Variants in ATRN observed in about 807,000 individuals in gnomAD.
The protein encoded by ATRN is attractin.
Under a neutral mutation model 178.7 loss-of-function variants are expected in ATRN, and 54 were observed. The observed-to-expected ratio is 0.30, with a 90% CI of 0.24 to 0.38. The LOEUF (loss-of-function observed/expected upper bound fraction) is 0.38, where lower values mean the gene tolerates loss of function less well. ATRN is among the 10% of genes least tolerant of loss of function. The pLI is 1.00. For missense variants in ATRN, 1,443 were observed against 1,815.1 expected, an observed-to-expected ratio of 0.79 and a Z score of 3.73; for synonymous variants, 636 against 663.0, an observed-to-expected ratio of 0.96 and a Z score of 0.63.
At chr20:3,639,086 G>A (rs143059462) in intron 27 of ATRN, 151 bp downstream of exon 27, 1 of 577,608 alleles carries the variant, frequency 1.7e-6, no homozygotes, top group Non-Finnish European at 3.0e-6. Flanking sequence ...TGAAGTTGCT[G>A]GGTACTCTTT....
chr20:3,642,012 A>G (rs979317014), intron 27 of ATRN, among the ~76,000 whole-genome samples: 2 of 152,252 alleles, frequency 1.3e-5, no homozygotes. Context: ...ACAACATGAT[A>G]TATGTCAGCA....
In ATRN at chr20:3,550,027, CTATAATA is replaced by C. The variant is rs373696690; in HGVS notation, c.1112+690_1112+696del. Among the ~76,000 whole-genome samples, 300 of 152,270 alleles carry C rather than the reference CTATAATA, an allele frequency of 2.0e-3. 1 individual carries two copies. Among genetic ancestry groups the C allele is most frequent in the African/African-American group, 7.0e-3 (290 of 41,556 alleles). On this transcript the variant is annotated intron_variant, in intron 6 of 28. Transcript: ENST00000262919. ...AAAATCAGAGAAACATGAGCAACAT[CTATAATA>C]AAACTTGGTCAGGCTAGGCGCAGTG...
chr20:3,518,444 G>A (rs1392749686), intron 1 of ATRN, among the ~76,000 whole-genome samples: 2 of 152,182 alleles, frequency 1.3e-5, no homozygotes, highest in African/African-American at 2.4e-5. Flanking sequence ...TATATAAAAT[G>A]TCTGGAATAA....
intron 1 of ATRN, among the ~76,000 whole-genome samples, chr20:3,479,827 C>G (rs965402262): frequency 6.6e-6 from 1 of 152,156 alleles, no homozygotes; most frequent in Non-Finnish European, 1.5e-5. Context: ...CCTCTGCCTC[C>G]GTCCCTTCAA....
At chr20:3,559,932 A>T (rs2085927885) in intron 7 of ATRN, among the ~76,000 whole-genome samples, 1 of 152,152 alleles carries the variant, frequency 6.6e-6, no homozygotes, top group African/African-American at 2.4e-5. Flanking sequence ...AGTATTAGAG[A>T]TGTAAAATAT....
chr20:3,490,094 G>T, intron 1 of ATRN: 1 of 1,369,672 alleles, frequency 7.3e-7, no homozygotes, highest in Non-Finnish European at 1.0e-6. Context: ...CTCGCTTGGT[G>T]CCCTTTGATT....
intron 19 of ATRN, among the ~76,000 whole-genome samples, chr20:3,594,130 C>T (rs2086490150): frequency 6.6e-6 from 1 of 152,158 alleles, no homozygotes; most frequent in South Asian, 2.1e-4. Flanking sequence ...GTCCCCACAC[C>T]CAGCACCTGG....
chr20:3,519,618 C>T (rs757040467), intron 1 of ATRN, among the ~76,000 whole-genome samples: 6 of 152,082 alleles, frequency 3.9e-5, no homozygotes, highest in East Asian at 1.9e-4. Context: ...GAAAAGACTA[C>T]GTATTGTGTA....
At chr20:3,482,613 T>G (rs754381816) in intron 1 of ATRN, among the ~76,000 whole-genome samples, 39 of 152,188 alleles carry the variant, frequency 2.6e-4, no homozygotes, top group Non-Finnish European at 5.1e-4. Context: ...ATCAAGGATT[T>G]TGATCAGAAG....
chr20:3,508,654 G>C (rs2085080790), intron 1 of ATRN, among the ~76,000 whole-genome samples: 1 of 152,220 alleles, frequency 6.6e-6, no homozygotes, highest in Non-Finnish European at 1.5e-5. Context: ...TCCGTAAGCA[G>C]AGGAGAATGA....
chr20:3,590,525 A>G (rs2086426404), intron 18 of ATRN, among the ~76,000 whole-genome samples: 2 of 152,190 alleles, frequency 1.3e-5, no homozygotes, highest in Non-Finnish European at 2.9e-5. Context: ...GTAAAGCCCT[A>G]TATCCATTAG....
intron 13 of ATRN, among the ~76,000 whole-genome samples, chr20:3,576,152 G>C (rs975284737): frequency 2.6e-5 from 4 of 152,178 alleles, no homozygotes; most frequent in African/African-American, 9.7e-5. Flanking sequence ...TTTGTGTATT[G>C]TGTTTTAGAA....
rs573098488 is a variant in ATRN, at chr20:3,490,424, T to A, written c.410+18907T>A. On this transcript the variant is annotated intron_variant, in intron 1 of 28. Coordinates refer to ENST00000262919, the MANE Select transcript of ATRN (RefSeq NM_139321.3). ...TTCTGATCTTGGAGAGGCTTTACTC[T>A]ATCTGTGTAATCCTGAAGTTACTCA... 5 of 922,066 alleles carry A rather than the reference T, an allele frequency of 5.4e-6. No homozygotes were observed. In the East Asian group the frequency reaches 9.6e-5, roughly 18 times the overall value. The allele number at this position is 922,066 out of a possible 1,614,324, so 57.1% of individuals were successfully genotyped here. A position where few individuals can be genotyped will look rare whatever the true frequency, so the allele number is the denominator to read the frequency against.
At chr20:3,549,419 T>A in intron 6 of ATRN, 81 bp downstream of exon 6, 2 of 1,240,036 alleles carry the variant, frequency 1.6e-6, no homozygotes, top group Non-Finnish European at 2.2e-6. Context: ...CAAAAATAAA[T>A]CACCAGTCAT....
At chr20:3,531,987 A>G (rs1246210750) in intron 1 of ATRN, among the ~76,000 whole-genome samples, 3 of 152,178 alleles carry the variant, frequency 2.0e-5, no homozygotes, top group Non-Finnish European at 4.4e-5. Flanking sequence ...TAAATTAGCT[A>G]GGCATAGTGG....
intron 24 of ATRN, among the ~76,000 whole-genome samples, chr20:3,624,215 C>T (rs1289760537): frequency 6.6e-6 from 1 of 152,090 alleles, no homozygotes; most frequent in Admixed American, 6.5e-5. Context: ...GGAGGGAGCG[C>T]CAGGCTTCAT....
chr20:3,490,894 G>A (rs772460981), intron 1 of ATRN: 10 of 1,035,158 alleles, frequency 9.7e-6, no homozygotes, highest in Admixed American at 6.8e-5. Flanking sequence ...GCCTGAGTGC[G>A]GTGATCAGAA....
In ATRN at chr20:3,517,658, C is replaced by G. The variant is rs957906063; in HGVS notation, c.411-17595C>G. Among the ~76,000 whole-genome samples, 376 of 150,346 alleles carry G rather than the reference C, an allele frequency of 2.5e-3. 2 individuals carry two copies. The highest frequency in any genetic ancestry group is 4.3e-3 in the Non-Finnish European group (289 of 67,666). ...TAGTGGTGGGCACCTGTAATCCCAG[C>G]TACTTGGGAGGCTGAGGCAAGAGAA... On this transcript the variant is annotated intron_variant, in intron 1 of 28. Transcript: ENST00000262919.
intron 1 of ATRN, among the ~76,000 whole-genome samples, chr20:3,484,855 TTTG>T (rs1484559383): frequency 2.0e-5 from 3 of 151,556 alleles, no homozygotes; most frequent in African/African-American, 7.3e-5. Context: ...GATAGAGAAT[TTTG>T]TTATTACTAG....
Sources: allele counts gnomAD v4.1 joint callset (sites outside exome capture counted in the v4.1 genomes callset), GRCh38; gene constraint gnomAD v4.1.1; transcripts MANE v1.5; gene names NCBI Gene and HGNC (gene_info 2026-07-23, HGNC 2026-07-21).